Variants in ATG7 observed in about 807,000 individuals in gnomAD.
ATG7 encodes the protein autophagy related 7.
ATG7 carries 70 observed loss-of-function variants against 82.4 expected under a neutral mutation model. The ratio of observed to expected loss-of-function variants is 0.85; its 90% CI spans 0.70 to 1.04. The LOEUF (loss-of-function observed/expected upper bound fraction) is 1.04. Among genes scored for constraint, ATG7 ranks in the 50% least tolerant of loss-of-function variants. The pLI, the probability that ATG7 is intolerant of heterozygous loss-of-function variation, is 0.00. For synonymous variants in ATG7, 287 were observed against 313.0 expected, an observed-to-expected ratio of 0.92 and a Z score of 0.88; for missense variants, 792 against 864.3, an observed-to-expected ratio of 0.92 and a Z score of 1.05.
intron 20 of ATG7, among the ~76,000 whole-genome samples, chr3:11,468,348 C>G (rs1453368510): frequency 6.6e-6 from 1 of 152,198 alleles, no homozygotes; most frequent in Non-Finnish European, 1.5e-5. Flanking sequence ...CGCCACTTCC[C>G]TGGAAGAACT....
intron 6 of ATG7, among the ~76,000 whole-genome samples, chr3:11,307,736 G>T (rs895779667): frequency 6.6e-6 from 1 of 152,186 alleles, no homozygotes; most frequent in Admixed American, 6.5e-5. Context: ...AATGGGAGGT[G>T]GGGGCAGTTT....
In ATG7 at chr3:11,525,215, G is replaced by A. The variant is rs567943250; in HGVS notation, c.2080-29596G>A. The stretch of plus-strand genomic sequence containing the variant: ...CCAGCTAATTTTTTTATTTTTAGTA[G>A]AGATGTGGTTTTGCCATGTTGGCCA... On this transcript the variant is annotated intron_variant, in intron 20 of 20. Transcript: ENST00000693202. Among the ~76,000 whole-genome samples, 158 of 151,354 alleles carry A rather than the reference G, an allele frequency of 1.0e-3. 3 individuals are homozygous for A. Among genetic ancestry groups the A allele is most frequent in the African/African-American group, 3.8e-3 (153 of 40,798 alleles).
intron 20 of ATG7, among the ~76,000 whole-genome samples, chr3:11,462,177 T>A (rs1250843498): frequency 6.6e-6 from 1 of 152,134 alleles, no homozygotes; most frequent in Admixed American, 6.6e-5. Context: ...TTTAAGAGCG[T>A]CTGCCACCCT....
intron 13 of ATG7, among the ~76,000 whole-genome samples, chr3:11,345,696 CTTTA>C (rs1255703730): frequency 4.6e-5 from 7 of 152,020 alleles, no homozygotes; most frequent in South Asian, 2.1e-4. Flanking sequence ...TGGAGCATTA[CTTTA>C]TTTATTCTAT....
intron 11 of ATG7, 150 bp from the exon 12 acceptor site, chr3:11,340,495 C>T (rs553393478): frequency 1.7e-6 from 1 of 603,032 alleles, no homozygotes; most frequent in South Asian, 2.1e-5. Flanking sequence ...AATTCAGGCC[C>T]TCAAGTCTCT....
chr3:11,485,570 C>G (rs1294408713), intron 20 of ATG7, among the ~76,000 whole-genome samples: 1 of 152,172 alleles, frequency 6.6e-6, no homozygotes, highest in Non-Finnish European at 1.5e-5. Context: ...TCTATTTTGG[C>G]TTTTGTTGAC....
intron 20 of ATG7, among the ~76,000 whole-genome samples, chr3:11,436,683 G>C (rs944713202): frequency 6.6e-6 from 1 of 152,188 alleles, no homozygotes; most frequent in African/African-American, 2.4e-5. Flanking sequence ...CTGATGAATG[G>C]ATGGATAAAA....
At chr3:11,494,062 G>T (rs2090616248) in intron 20 of ATG7, among the ~76,000 whole-genome samples, 1 of 152,242 alleles carries the variant, frequency 6.6e-6, no homozygotes, top group African/African-American at 2.4e-5. Context: ...CAGGGATTCA[G>T]TCTGGGTCCT....
chr3:11,286,583 C>CTTTTTTTTTTTTTTT (rs5846700), intron 3 of ATG7, among the ~76,000 whole-genome samples: 14 of 66,968 alleles, frequency 2.1e-4, no homozygotes, highest in African/African-American at 3.4e-4. Flanking sequence ...TTCTTTCTTT[C>CTTTTTTTTTTTTTTT]TTTTTTTTTT....
intron 3 of ATG7, 94 bp from the exon 4 acceptor site, chr3:11,298,592 G>T: frequency 1.6e-6 from 2 of 1,275,596 alleles, no homozygotes; most frequent in African/African-American, 1.5e-5. Flanking sequence ...ATTACTTTTT[G>T]TTTGTTTGAA....
At chr3:11,448,362 G>C (rs920718224) in intron 20 of ATG7, among the ~76,000 whole-genome samples, 1 of 151,562 alleles carries the variant, frequency 6.6e-6, no homozygotes, top group Non-Finnish European at 1.5e-5. Context: ...GCTCTCTCTG[G>C]CTGCTTCTGC....
chr3:11,291,975 G>T (rs745763213), intron 3 of ATG7, among the ~76,000 whole-genome samples: 5 of 152,220 alleles, frequency 3.3e-5, no homozygotes, highest in Non-Finnish European at 5.9e-5. Context: ...AGCCACCTGT[G>T]CAGATCATTC....
rs1022421065 is a variant in ATG7, at chr3:11,556,266, C to T, written c.*1423C>T. 1 of 152,702 alleles carries T rather than the reference C, an allele frequency of 6.5e-6. No individual in the cohort carries two copies. Among genetic ancestry groups the T allele is most frequent in the Non-Finnish European group, 1.5e-5 (1 of 68,068 alleles). 9.5% of individuals were successfully genotyped at this position (152,702 alleles called of 1,614,324 possible). A position where few individuals can be genotyped will look rare whatever the true frequency, so the allele number is the denominator to read the frequency against. ...TGGGAAGAACTTCACGGAGCCCCTTCTTAGAGCAGGGAGGGGGCTTTCTCA... is the reference window on the plus strand; with the variant it reads ...TGGGAAGAACTTCACGGAGCCCCTTTTTAGAGCAGGGAGGGGGCTTTCTCA... On this transcript the variant is annotated 3_prime_UTR_variant, in exon 21 of 21. Coordinates refer to ENST00000693202, the MANE Select transcript of ATG7 (RefSeq NM_001349232.2).
the ATG7 span, among the ~76,000 whole-genome samples, chr3:11,573,196 GAAAGA>G: frequency 6.7e-6 from 1 of 148,882 alleles, no homozygotes; most frequent in African/African-American, 2.5e-5. Context: ...CAGACAGAAA[GAAAGA>G]AAAGAAGAGA....
intron 19 of ATG7, among the ~76,000 whole-genome samples, chr3:11,396,940 G>A (rs2079346069): frequency 6.6e-6 from 1 of 152,050 alleles, no homozygotes; most frequent in Non-Finnish European, 1.5e-5. Context: ...TGTTATAACT[G>A]ATAGACTAAA....
chr3:11,527,069 G>GTA (rs1347586691), intron 20 of ATG7, among the ~76,000 whole-genome samples: 24,916 of 117,332 alleles, frequency 0.21, 2,478 homozygotes, highest in Non-Finnish European at 0.26. Context: ...GTGTGTGTGT[G>GTA]TGTATATATA....
the ATG7 span, among the ~76,000 whole-genome samples, chr3:11,569,122 G>A: frequency 6.6e-6 from 1 of 152,308 alleles, no homozygotes; most frequent in South Asian, 2.1e-4. Flanking sequence ...AATCCATCAC[G>A]TGAAAGAAGT....
At chr3:11,423,990 A>G (rs922527941) in intron 19 of ATG7, among the ~76,000 whole-genome samples, 1 of 152,176 alleles carries the variant, frequency 6.6e-6, no homozygotes, top group African/African-American at 2.4e-5. Flanking sequence ...CTCTCTGCAC[A>G]GCTGGGCCTC....
At chr3:11,552,200 G>A (rs2071869832) in intron 20 of ATG7, among the ~76,000 whole-genome samples, 1 of 152,150 alleles carries the variant, frequency 6.6e-6, no homozygotes, top group Admixed American at 6.5e-5. Flanking sequence ...GTTTCCAGGT[G>A]TGCTTTGATA....
Sources: allele counts gnomAD v4.1 joint callset (sites outside exome capture counted in the v4.1 genomes callset), GRCh38; gene constraint gnomAD v4.1.1; transcripts MANE v1.5; gene names NCBI Gene and HGNC (gene_info 2026-07-23, HGNC 2026-07-21).